ZBTB16: variants seen among roughly 807,000 people sequenced by gnomAD.
ZBTB16 encodes the protein zinc finger and BTB domain containing 16.
In ZBTB16, 8 loss-of-function variants were observed where a neutral mutation model predicts 56.8. The observed-to-expected ratio is 0.14, with a 90% CI of 0.08 to 0.25. ZBTB16 has a LOEUF of 0.25. Among genes scored for constraint, ZBTB16 ranks in the 10% least tolerant of loss-of-function variants. The pLI is 1.00. For synonymous variants in ZBTB16, 363 were observed against 368.5 expected (o/e 0.98, Z 0.17); for missense variants, 625 against 903.0 (o/e 0.69, Z 3.95).
chr11:114,064,203 G>A lies in ZBTB16; in HGVS notation c.903G>A (p.Glu301=). The A allele has an allele frequency of 1.9e-6, 3 of 1,613,980 alleles. No individual in the cohort carries two copies. The highest frequency in any genetic ancestry group is 2.5e-6 in the Non-Finnish European group (3 of 1,180,020). ...SARELHYGRE[E]SAEQVPPPAE... ...GGGAGCTACACTATGGGCGAGAGGAGAGTGCCGAGCAGGTGCCACCCCCAG... is the reference window on the plus strand; with the variant it reads ...GGGAGCTACACTATGGGCGAGAGGAAAGTGCCGAGCAGGTGCCACCCCCAG... Residue 301 remains glutamate, a synonymous_variant, in exon 2 of 7, where the codon GAG becomes GAA. Transcript: ENST00000335953. This position sits in a 1 kb window ranked among gnomAD's most constrained non-coding sequence, Gnocchi z 4.2.
chr11:114,109,431 A>G (rs1940923016), intron 2 of ZBTB16, among the ~76,000 whole-genome samples: 1 of 152,166 alleles, frequency 6.6e-6, no homozygotes, highest in Non-Finnish European at 1.5e-5. Flanking sequence ...TCTGTCCGCC[A>G]TGCCCTGTTG....
chr11:114,242,456 G>A (rs2135200337), intron 5 of ZBTB16, 119 bp downstream of exon 5: 1 of 1,413,302 alleles, frequency 7.1e-7, no homozygotes, highest in Non-Finnish European at 9.7e-7. Context: ...TCTGCTCAAG[G>A]CTTGGACGTG....
At chr11:114,154,635 G>A (rs2134951522) in intron 2 of ZBTB16, among the ~76,000 whole-genome samples, 1 of 152,286 alleles carries the variant, frequency 6.6e-6, no homozygotes, top group East Asian at 1.9e-4. Context: ...CAGTTAAAAT[G>A]TTCTGTACTG....
Position 114,064,434 on chromosome 11 carries a change from C to T in ZBTB16, c.1134C>T (p.Gly378=), listed in dbSNP as rs771589033. The change falls in exon 2 of 7, where the codon GGC becomes GGT. Residue 378 remains glycine, a synonymous_variant. Coordinates refer to ENST00000335953, the MANE Select transcript of ZBTB16 (RefSeq NM_006006.6). This position sits in a 1 kb window ranked among gnomAD's most constrained non-coding sequence, Gnocchi z 4.2. ...FSTYGGLLPQ[G]FIQRELFSKL... ...CCTATGGGGGGCTGCTGCCCCAGGG[C>T]TTCATCCAGAGGGAGCTGTTCAGCA... The T allele has an allele frequency of 1.2e-6, 2 of 1,614,128 alleles. No homozygotes were observed. Among genetic ancestry groups the T allele is most frequent in the South Asian group, 2.2e-5 (2 of 91,086 alleles).
chr11:114,174,183 C>A (rs1943044850), intron 3 of ZBTB16, among the ~76,000 whole-genome samples: 1 of 152,166 alleles, frequency 6.6e-6, no homozygotes, highest in South Asian at 2.1e-4. Context: ...TGTGCTGCTC[C>A]CAGCCCAGGC....
intron 3 of ZBTB16, among the ~76,000 whole-genome samples, chr11:114,167,223 T>TG (rs1942785259): frequency 8.2e-5 from 6 of 73,276 alleles, no homozygotes; most frequent in African/African-American, 2.4e-4. Context: ...GTGGTTTTTT[T>TG]TTTTTTTGGT....
At chr11:114,200,615 T>TGATC (rs1943717914) in intron 4 of ZBTB16, among the ~76,000 whole-genome samples, 1 of 152,128 alleles carries the variant, frequency 6.6e-6, no homozygotes, top group African/African-American at 2.4e-5. Flanking sequence ...TTTCTTGGGG[T>TGATC]GATCTGGCAG....
intron 4 of ZBTB16, among the ~76,000 whole-genome samples, chr11:114,237,495 A>G (rs1030232275): frequency 6.6e-6 from 1 of 152,226 alleles, no homozygotes; most frequent in South Asian, 2.1e-4. Context: ...CAGAGGACGG[A>G]ACCCAGGCGT....
At chr11:114,220,685 A>G (rs1018525378) in intron 4 of ZBTB16, among the ~76,000 whole-genome samples, 1 of 152,196 alleles carries the variant, frequency 6.6e-6, no homozygotes, top group Admixed American at 6.5e-5. Flanking sequence ...TTGTAGCAAC[A>G]TTCTTATTTT....
chr11:114,096,566 C>T (rs560485426), intron 2 of ZBTB16, among the ~76,000 whole-genome samples: 1 of 151,950 alleles, frequency 6.6e-6, no homozygotes. Flanking sequence ...TTTTAAACAT[C>T]GTTGTCTCAT....
intron 1 of ZBTB16, among the ~76,000 whole-genome samples, chr11:114,062,164 C>T (rs1479594642): frequency 1.3e-5 from 2 of 150,520 alleles, no homozygotes; most frequent in Non-Finnish European, 3.0e-5. Context: ...AGTGCAGTGG[C>T]ACAATCTCGG....
At chr11:114,137,075 C>T (rs1275590114) in intron 2 of ZBTB16, among the ~76,000 whole-genome samples, 1 of 152,152 alleles carries the variant, frequency 6.6e-6, no homozygotes. Flanking sequence ...CCAGGGACCT[C>T]CCAGGCTCTC....
At position 114,170,579 on chromosome 11, in the gene ZBTB16, C is replaced by A. The variant is rs189329732; in HGVS notation, c.1366+14145C>A. On this transcript the variant is annotated intron_variant, in intron 3 of 6. Transcript: ENST00000335953. The stretch of plus-strand genomic sequence containing the variant: ...CGCACTCCCTCCTCCTTCCCCCAAA[C>A]CAGTCCCGTTTTGATTGGAATTCTT... 4.1e-3 allele frequency among the ~76,000 whole-genome samples: 626 copies of A among 152,188 alleles called. 6 individuals carry two copies. Among genetic ancestry groups the A allele is most frequent in the Middle Eastern group, 6.8e-3 (2 of 294 alleles).
rs746937029 is a variant in ZBTB16, at chr11:114,250,311, T to C, written c.1793-15T>C. 2 of 1,608,946 alleles carry C rather than the reference T, an allele frequency of 1.2e-6. No individual in the cohort carries two copies. The highest frequency in any genetic ancestry group is 2.2e-5 in the South Asian group (2 of 91,072). On this transcript the variant is annotated splice_polypyrimidine_tract_variant and intron_variant, in intron 6 of 6. Coordinates refer to ENST00000335953, the MANE Select transcript of ZBTB16 (RefSeq NM_006006.6). The surrounding 1 kb of genome is among the most constrained non-coding windows in gnomAD (Gnocchi z 6.0). ...TCTGTCCTCACTTTCTCCTGCCCTGTCCCTCCGCCCTCAGGTGAGAAGCCC... is the reference window on the plus strand; with the variant it reads ...TCTGTCCTCACTTTCTCCTGCCCTGCCCCTCCGCCCTCAGGTGAGAAGCCC...
At chr11:114,199,297 A>G (rs1378193013) in intron 4 of ZBTB16, among the ~76,000 whole-genome samples, 2 of 148,538 alleles carry the variant, frequency 1.3e-5, no homozygotes, top group Admixed American at 6.7e-5. Flanking sequence ...GATGCCGGAC[A>G]TGGATGCCGC....
At chr11:114,061,183 T>G (rs1938841952) in intron 1 of ZBTB16, among the ~76,000 whole-genome samples, 1 of 151,842 alleles carries the variant, frequency 6.6e-6, no homozygotes, top group Non-Finnish European at 1.5e-5. Flanking sequence ...TCCCCGGAGC[T>G]CGGGCGGGTT....
At chr11:114,244,170 G>A (rs946808949) in intron 5 of ZBTB16, among the ~76,000 whole-genome samples, 1 of 152,148 alleles carries the variant, frequency 6.6e-6, no homozygotes, top group Admixed American at 6.5e-5. Flanking sequence ...GTGTTTGGTA[G>A]GTTAGTCCAG....
At chr11:114,113,646 A>G (rs1343270300) in intron 2 of ZBTB16, among the ~76,000 whole-genome samples, 1 of 152,192 alleles carries the variant, frequency 6.6e-6, no homozygotes, top group African/African-American at 2.4e-5. Flanking sequence ...CCAGTTTGGG[A>G]TTTAGAAAAT....
intron 2 of ZBTB16, among the ~76,000 whole-genome samples, chr11:114,147,298 C>T (rs1037028447): frequency 6.6e-6 from 1 of 152,120 alleles, no homozygotes. Flanking sequence ...AGAGTGGAAA[C>T]ATATAAAAAT....
Sources: gnomAD v4.1 joint callset for allele counts (sites outside exome capture counted in the v4.1 genomes callset) on GRCh38, gnomAD v4.1.1 for gene constraint, Gnocchi (gnomAD v3.1) non-coding constraint, MANE v1.5 for transcripts, NCBI Gene and HGNC (gene_info 2026-07-23, HGNC 2026-07-21) for gene names.